Variants in TRPC4 observed in about 807,000 individuals in gnomAD.
TRPC4 encodes the protein transient receptor potential cation channel subfamily C member 4, also known as short transient receptor potential channel 4.
Under a neutral mutation model 99.4 loss-of-function variants are expected in TRPC4, and 49 were observed. The ratio of observed to expected loss-of-function variants is 0.49; its 90% CI spans 0.39 to 0.63. TRPC4 has a LOEUF of 0.63. Among genes scored for constraint, TRPC4 ranks in the 20% least tolerant of loss-of-function variants. TRPC4 has a pLI of 0.00. For synonymous variants in TRPC4, 454 were observed against 425.9 expected, an observed-to-expected ratio of 1.07 and a Z score of -0.81; for missense variants, 898 against 1,152.9, an observed-to-expected ratio of 0.78 and a Z score of 3.20.
intron 3 of TRPC4, among the ~76,000 whole-genome samples, chr13:37,737,720 T>C (rs1955444391): frequency 6.6e-6 from 1 of 151,998 alleles, no homozygotes; most frequent in South Asian, 2.1e-4. Context: ...GTGATCTGCC[T>C]TGCCTCGGCC....
chr13:37,688,333 A>T (rs2138856714), intron 4 of TRPC4, among the ~76,000 whole-genome samples: 1 of 152,352 alleles, frequency 6.6e-6, no homozygotes, highest in South Asian at 2.1e-4. Context: ...ATACTGAAAT[A>T]ACAGAAACCT....
intron 1 of TRPC4, chr13:37,855,018 CT>C (rs1230297475): frequency 6.6e-6 from 1 of 151,654 alleles, no homozygotes; most frequent in African/African-American, 2.4e-5. Context: ...ATAGAATAAG[CT>C]TTTCAATCAA....
chr13:37,667,429 C>G (rs1036173315), intron 5 of TRPC4, among the ~76,000 whole-genome samples: 1 of 152,168 alleles, frequency 6.6e-6, no homozygotes, highest in African/African-American at 2.4e-5. Context: ...ACCTCAGCCT[C>G]CTGAGTAGCT....
At chr13:37,859,699 T>C (rs996148219) in intron 1 of TRPC4, among the ~76,000 whole-genome samples, 1 of 151,356 alleles carries the variant, frequency 6.6e-6, no homozygotes, top group Non-Finnish European at 1.5e-5. Flanking sequence ...AAATAAAAAA[T>C]TCATAGTCAA....
intron 3 of TRPC4, among the ~76,000 whole-genome samples, chr13:37,717,460 A>G (rs935284365): frequency 1.3e-5 from 2 of 152,172 alleles, no homozygotes; most frequent in Non-Finnish European, 2.9e-5. Context: ...AATCTCTGTC[A>G]GCTGTGGTGT....
At chr13:37,849,690 CAA>C (rs1285197975) in intron 1 of TRPC4, among the ~76,000 whole-genome samples, 1 of 152,096 alleles carries the variant, frequency 6.6e-6, no homozygotes, top group Non-Finnish European at 1.5e-5. Flanking sequence ...AAAACAAAAA[CAA>C]AAAACACAAA....
chr13:37,663,731 T>G lies in TRPC4; in HGVS notation c.1375-2A>C. 6.2e-7 allele frequency: 1 copy of G among 1,601,300 alleles called. No individual in the cohort carries two copies. The highest frequency in any genetic ancestry group is 8.5e-7 in the Non-Finnish European group (1 of 1,174,688). On this transcript the variant is annotated splice_acceptor_variant, in intron 5 of 10. Transcript: ENST00000379705. LOFTEE classifies it high-confidence loss of function. ...TTCTCGTGGATTAAGGGCACTGTAC[T>G]GGAAAAAACAGAGAAACAAAGGGAA...
chr13:37,738,454 GA>G (rs1955471327), intron 3 of TRPC4, among the ~76,000 whole-genome samples: 1 of 152,146 alleles, frequency 6.6e-6, no homozygotes. Flanking sequence ...AGTCACAGGT[GA>G]AACCCTAACC....
intron 3 of TRPC4, among the ~76,000 whole-genome samples, chr13:37,709,281 C>T (rs181029228): frequency 6.6e-6 from 1 of 151,936 alleles, no homozygotes; most frequent in African/African-American, 2.4e-5. Context: ...TGTCAGCATT[C>T]AGATTTCTGT....
chr13:37,788,762 T>C (rs963973767), intron 1 of TRPC4, among the ~76,000 whole-genome samples: 1 of 152,156 alleles, frequency 6.6e-6, no homozygotes, highest in African/African-American at 2.4e-5. Context: ...CATACATATG[T>C]TTTAAAATAT....
intron 1 of TRPC4, 80 bp from the exon 2 acceptor site, chr13:37,783,440 C>T (rs540480919): frequency 1.8e-6 from 2 of 1,132,536 alleles, no homozygotes; most frequent in Non-Finnish European, 1.2e-6. Context: ...CTCCAACTCA[C>T]AGTGATATCA....
intron 3 of TRPC4, among the ~76,000 whole-genome samples, chr13:37,695,032 T>A (rs145929110): frequency 0.015 from 2,225 of 152,304 alleles, 29 homozygotes; most frequent in Non-Finnish European, 0.02. Context: ...GGTGGTTAAA[T>A]CAGTTATCAA....
At chr13:37,698,249 C>T (rs1293204761) in intron 3 of TRPC4, among the ~76,000 whole-genome samples, 1 of 139,824 alleles carries the variant, frequency 7.2e-6, no homozygotes, top group African/African-American at 2.7e-5. Flanking sequence ...CAAGCTCTGC[C>T]TCCCGGGTTC....
chr13:37,729,052 T>C (rs551547552), intron 3 of TRPC4, among the ~76,000 whole-genome samples: 2 of 152,222 alleles, frequency 1.3e-5, no homozygotes, highest in East Asian at 3.9e-4. Flanking sequence ...AACATAGACC[T>C]AAAACTCTCC....
chr13:37,843,646 G>A (rs1279507552), intron 1 of TRPC4, among the ~76,000 whole-genome samples: 1 of 151,826 alleles, frequency 6.6e-6, no homozygotes, highest in Non-Finnish European at 1.5e-5. Flanking sequence ...TCCAGGTATA[G>A]TGTTACAGAA....
intron 2 of TRPC4, among the ~76,000 whole-genome samples, chr13:37,750,134 C>G (rs1412916142): frequency 1.5e-5 from 1 of 65,976 alleles, no homozygotes; most frequent in East Asian, 5.5e-4. Flanking sequence ...AACTTTAGCT[C>G]TTTGAAATAT....
rs1485773305 is a variant in TRPC4 at position 37,823,684 on chromosome 13, A to G, written c.-27-40324T>C. On this transcript the variant is annotated intron_variant, in intron 1 of 10. Coordinates refer to ENST00000379705, the MANE Select transcript of TRPC4 (RefSeq NM_016179.4). ...GTTTTGGTTACTGTAGCCTTGTAGT[A>G]TAGTTTGAAGTCAGGTAGTGTGATG... Among the ~76,000 whole-genome samples, 6 of 149,198 alleles carry G rather than the reference A, an allele frequency of 4.0e-5. No individual in the cohort carries two copies. The South Asian group carries it at 1.1e-3, about 27-fold the overall frequency.
intron 1 of TRPC4, among the ~76,000 whole-genome samples, chr13:37,856,715 G>A (rs1262069140): frequency 6.6e-6 from 1 of 151,652 alleles, no homozygotes; most frequent in Non-Finnish European, 1.5e-5. Flanking sequence ...TGCAATGCAA[G>A]GATGGTTCAA....
intron 1 of TRPC4, among the ~76,000 whole-genome samples, chr13:37,860,697 C>A (rs975071539): frequency 1.3e-5 from 2 of 151,356 alleles, no homozygotes; most frequent in African/African-American, 4.8e-5. Flanking sequence ...ATATGCACCA[C>A]CTACATATGG....
Sources: allele counts gnomAD v4.1 joint callset (sites outside exome capture counted in the v4.1 genomes callset), GRCh38; gene constraint gnomAD v4.1.1; transcripts MANE v1.5; gene names NCBI Gene and HGNC (gene_info 2026-07-23, HGNC 2026-07-21).